C7: variants seen among roughly 807,000 people sequenced by gnomAD.
C7 encodes complement C7.
A neutral mutation model predicts 104.8 loss-of-function variants in C7; 83 were observed. That is an observed-to-expected ratio of 0.79 (90% CI 0.66 to 0.95). The LOEUF (loss-of-function observed/expected upper bound fraction) is 0.95, where lower values mean the gene tolerates loss of function less well. Ranked by LOEUF, C7 falls within the 40% of genes least tolerant of loss-of-function variation. C7 has a pLI of 0.00. For missense variants in C7, 1,070 were observed against 1,011.2 expected (o/e 1.06, Z -0.79); for synonymous variants, 415 against 360.6 (o/e 1.15, Z -1.71).
chr5:40,976,643 T>C, intron 15 of C7, 107 bp from the exon 16 acceptor site: 1 of 639,710 alleles, frequency 1.6e-6, no homozygotes, highest in Non-Finnish European at 2.7e-6. Context: ...GCAAATGCAT[T>C]GCAGTTGGAG....
At chr5:40,974,661 G>A (rs113060825) in intron 15 of C7, among the ~76,000 whole-genome samples, 13,820 of 151,994 alleles carry the variant, frequency 0.091, 864 homozygotes, top group East Asian at 0.19. Flanking sequence ...CTCATGATCC[G>A]CCCGCCTCGG....
intron 1 of C7, among the ~76,000 whole-genome samples, chr5:40,909,974 A>ATTTTTTTTTTT (rs1259880340): frequency 4.0e-5 from 5 of 124,660 alleles, no homozygotes; most frequent in East Asian, 2.3e-4. Flanking sequence ...CCTCTGGTGT[A>ATTTTTTTTTTT]TTTTTTTTTT....
chr5:40,936,669 T>A (rs1002379741), intron 5 of C7, among the ~76,000 whole-genome samples, 184 bp downstream of exon 5: 1 of 152,110 alleles, frequency 6.6e-6, no homozygotes, highest in East Asian at 1.9e-4. Context: ...TAGATACATG[T>A]GGTAGATGCA....
intron 11 of C7, among the ~76,000 whole-genome samples, chr5:40,958,513 A>G (rs2111665067): frequency 6.6e-6 from 1 of 152,310 alleles, no homozygotes; most frequent in South Asian, 2.1e-4. Context: ...GAATAGAGTT[A>G]TGATTAAAAC....
intron 1 of C7, among the ~76,000 whole-genome samples, chr5:40,926,984 C>T (rs1024129576): frequency 3.3e-5 from 5 of 152,110 alleles, no homozygotes. Flanking sequence ...GTTACTCTGC[C>T]TGATTTTAAA....
chr5:40,944,830 C>G (rs2111621666), intron 6 of C7, among the ~76,000 whole-genome samples: 1 of 152,290 alleles, frequency 6.6e-6, no homozygotes, highest in South Asian at 2.1e-4. Context: ...CATCTCTGTT[C>G]CTCTTTGTTA....
At chr5:40,916,172 T>C (rs1387202794) in intron 1 of C7, among the ~76,000 whole-genome samples, 1 of 152,180 alleles carries the variant, frequency 6.6e-6, no homozygotes, top group Non-Finnish European at 1.5e-5. Context: ...TAAACTATTA[T>C]GCTTTATTAT....
intron 1 of C7, among the ~76,000 whole-genome samples, chr5:40,920,179 A>G (rs994927327): frequency 6.6e-6 from 1 of 152,166 alleles, no homozygotes; most frequent in Non-Finnish European, 1.5e-5. Flanking sequence ...AAATTGGATA[A>G]CTAAGAAGAA....
rs368708435 is a variant in C7 at position 40,936,372 on chromosome 5, G to T, written c.315G>T (p.Gly105=). 6.2e-7 allele frequency: 1 copy of T among 1,613,274 alleles called. No individual in the cohort carries two copies. Among genetic ancestry groups the T allele is most frequent in the Non-Finnish European group, 8.5e-7 (1 of 1,179,468 alleles). ...TCAGCAAATCATTGGTTTGCAATGG[G>T]GATTCTGACTGTGATGAAGACAGTG... The part of the protein sequence containing the change: ...QCISKSLVCN[G]DSDCDEDSAD... The change falls in exon 5 of 18, where the codon GGG becomes GGT. Residue 105 remains glycine, a synonymous_variant. Transcript: ENST00000313164.
chr5:40,949,333 C>T, intron 8 of C7, among the ~76,000 whole-genome samples: 1 of 148,654 alleles, frequency 6.7e-6, no homozygotes. Context: ...TAGTATTTTT[C>T]TATCCTACTT....
chr5:40,972,065 A>C, intron 14 of C7: 1 of 477,634 alleles, frequency 2.1e-6, no homozygotes. Flanking sequence ...GAACATCACT[A>C]GAGCACATAA....
chr5:40,951,437 G>A (rs917803350), intron 9 of C7, among the ~76,000 whole-genome samples: 6 of 152,072 alleles, frequency 3.9e-5, no homozygotes, highest in African/African-American at 1.4e-4. Flanking sequence ...CATAAAAATG[G>A]CAAAAATAGT....
chr5:40,936,620 C>A, intron 5 of C7, 135 bp downstream of exon 5: 1 of 747,718 alleles, frequency 1.3e-6, no homozygotes, highest in Non-Finnish European at 2.1e-6. Flanking sequence ...CTCTTTGCCA[C>A]ATCCTGAGAC....
intron 1 of C7, among the ~76,000 whole-genome samples, chr5:40,920,766 A>G (rs1739421680): frequency 1.3e-5 from 2 of 152,284 alleles, no homozygotes; most frequent in East Asian, 3.9e-4. Context: ...AAAAAAATGT[A>G]GGCTGGGCAT....
At chr5:40,945,925 G>A (rs958660888) in intron 7 of C7, among the ~76,000 whole-genome samples, 2 of 133,010 alleles carry the variant, frequency 1.5e-5, no homozygotes, top group African/African-American at 2.7e-5. Context: ...TTTAGTTATA[G>A]TTTTAAACTT....
chr5:40,950,211 A>G (rs1740138635), intron 9 of C7, among the ~76,000 whole-genome samples, 197 bp downstream of exon 9: 1 of 149,482 alleles, frequency 6.7e-6, no homozygotes, highest in African/African-American at 2.4e-5. Flanking sequence ...CCCACTCTCC[A>G]CTCTCCAAAA....
Position 40,964,890 on chromosome 5 carries a change from G to A in C7, c.1882+17G>A. The A allele has an allele frequency of 6.2e-7, 1 of 1,612,522 alleles. No homozygotes were observed. The highest frequency in any genetic ancestry group is 8.5e-7 in the Non-Finnish European group (1 of 1,179,290). On this transcript the variant is annotated intron_variant, in intron 14 of 17. Transcript: ENST00000313164. ...ATTGTCAGAGTGAGTGGCGTCAGTT[G>A]TATATAATTTAAGATGAGAAAATTA...
Position 40,964,775 on chromosome 5 carries a change from T to C in C7, c.1784T>C (p.Val595Ala), listed in dbSNP as rs1740507988. Reference protein sequence around the residue: ...EGTMFPVGKNVVYTCNEGYSL... With the variant: ...EGTMFPVGKNAVYTCNEGYSL... ...ACAATGTTTCCTGTGGGGAAAAATG[T>C]AGTGTACACTTGCAATGAAGGATAC... Residue 595 changes from valine (V) to alanine (A), a missense_variant, in exon 14 of 18, where the codon GTA becomes GCA. Transcript: ENST00000313164. 11 of 1,612,664 alleles carry C rather than the reference T, an allele frequency of 6.8e-6. No homozygotes were observed. The highest frequency in any genetic ancestry group is 1.7e-5 in the Admixed American group (1 of 59,972).
chr5:40,970,970 T>G (rs1476650373), intron 14 of C7, among the ~76,000 whole-genome samples: 1 of 152,200 alleles, frequency 6.6e-6, no homozygotes, highest in East Asian at 1.9e-4. Context: ...CATATTTTCT[T>G]TATCCAGTCT....
Sources: gnomAD v4.1 joint callset for allele counts (sites outside exome capture counted in the v4.1 genomes callset) on GRCh38, gnomAD v4.1.1 for gene constraint, MANE v1.5 for transcripts, NCBI Gene and HGNC (gene_info 2026-07-23, HGNC 2026-07-21) for gene names.